YY1AP1: variants seen among roughly 807,000 people sequenced by gnomAD.
YY1AP1 encodes YY1-associated protein 1.
YY1AP1 carries 43 observed loss-of-function variants against 39.9 expected under a neutral mutation model. The observed-to-expected ratio is 1.08, with a 90% CI of 0.84 to 1.39. YY1AP1 has a LOEUF of 1.39. YY1AP1 is among the 40% of genes most tolerant of loss of function. The probability of loss-of-function intolerance (pLI) is 0.00; values close to 1 mark genes in which losing one functional copy is unlikely to be tolerated. For missense variants in YY1AP1, 813 were observed against 900.7 expected, an observed-to-expected ratio of 0.90 and a Z score of 1.25; for synonymous variants, 292 against 331.3, an observed-to-expected ratio of 0.88 and a Z score of 1.29.
At chr1:155,681,630 T>C (rs868183976) in intron 2 of YY1AP1, among the ~76,000 whole-genome samples, 40 of 151,666 alleles carry the variant, frequency 2.6e-4, no homozygotes, top group African/African-American at 9.2e-4. Context: ...TCCAACAGTG[T>C]TTCATAGGAC....
intron 5 of YY1AP1, among the ~76,000 whole-genome samples, chr1:155,676,240 A>G (rs1650654669): frequency 6.6e-6 from 1 of 151,734 alleles, no homozygotes; most frequent in Non-Finnish European, 1.5e-5. Flanking sequence ...AAGAAAAAAG[A>G]AAAGGGAAAA....
rs188043733 is a variant in YY1AP1, at chr1:155,688,191, G to A, written c.-141C>T. ...TCCCGCTTGTCAGGAGGCGGCCAGCGGGTAAGCCGACTGGCGGAAATGCGA... is the reference window on the plus strand; with the variant it reads ...TCCCGCTTGTCAGGAGGCGGCCAGCAGGTAAGCCGACTGGCGGAAATGCGA... On this transcript the variant is annotated 5_prime_UTR_variant, in exon 2 of 11. Transcript: ENST00000355499. 209 of 1,613,984 alleles carry A rather than the reference G, an allele frequency of 1.3e-4. 1 individual carries two copies. Among genetic ancestry groups the A allele is most frequent in the Admixed American group, 4.3e-4 (26 of 60,028 alleles).
At chr1:155,665,387 C>CA (rs753371794) in intron 9 of YY1AP1, among the ~76,000 whole-genome samples, 46 of 151,636 alleles carry the variant, frequency 3.0e-4, no homozygotes, top group Middle Eastern at 3.4e-3. Context: ...ATCAAGAGGT[C>CA]AGGAGATCAA....
chr1:155,666,177 A>G (rs1350587633), intron 9 of YY1AP1, among the ~76,000 whole-genome samples: 1 of 151,580 alleles, frequency 6.6e-6, no homozygotes, highest in Non-Finnish European at 1.5e-5. Flanking sequence ...ACTGGAGTGC[A>G]GTGGCGCGAT....
intron 2 of YY1AP1, among the ~76,000 whole-genome samples, chr1:155,684,346 C>T (rs1472022327): frequency 6.6e-6 from 1 of 152,154 alleles, no homozygotes; most frequent in Non-Finnish European, 1.5e-5. Context: ...ATGCACACTA[C>T]ACACACATAT....
At chr1:155,672,535 T>TA (rs754489885) in intron 7 of YY1AP1, 25 bp downstream of exon 7, 1 of 1,606,104 alleles carries the variant, frequency 6.2e-7, no homozygotes, top group Admixed American at 1.7e-5. Flanking sequence ...AGTAAAAACT[T>TA]AAAGCTGACA....
At chr1:155,661,495 G>T (rs959036611) in intron 9 of YY1AP1, 72 bp from the exon 10 acceptor site, 17 of 1,604,212 alleles carry the variant, frequency 1.1e-5, no homozygotes, top group Non-Finnish European at 1.4e-5. Flanking sequence ...CTGGTGAATG[G>T]GGTGGTGGTG....
intron 2 of YY1AP1, among the ~76,000 whole-genome samples, chr1:155,683,700 C>A (rs1298288656): frequency 6.6e-6 from 1 of 152,040 alleles, no homozygotes; most frequent in East Asian, 1.9e-4. Flanking sequence ...AAGTGAAATA[C>A]TGAAATACTG....
chr1:155,685,000 G>A (rs1264862770), intron 2 of YY1AP1, among the ~76,000 whole-genome samples: 1 of 152,120 alleles, frequency 6.6e-6, no homozygotes, highest in Non-Finnish European at 1.5e-5. Context: ...CTACATGTAT[G>A]TATACCCAAA....
intron 2 of YY1AP1, among the ~76,000 whole-genome samples, chr1:155,681,842 A>ATTTTT (rs57371049): frequency 7.3e-6 from 1 of 137,630 alleles, no homozygotes; most frequent in East Asian, 2.1e-4. Context: ...TACATTGAGG[A>ATTTTT]TTTTTTTTTT....
intron 2 of YY1AP1, among the ~76,000 whole-genome samples, chr1:155,684,106 G>A (rs1156993477): frequency 6.6e-6 from 1 of 152,156 alleles, no homozygotes; most frequent in Non-Finnish European, 1.5e-5. Flanking sequence ...AAATCAGCAG[G>A]GCGTGTTGGC....
intron 9 of YY1AP1, among the ~76,000 whole-genome samples, chr1:155,662,165 GGA>G (rs1491370612): frequency 1.8e-4 from 26 of 144,048 alleles, no homozygotes; most frequent in African/African-American, 6.3e-4. Context: ...CAGAAGGGAA[GGA>G]AAAAAAAAAA....
intron 9 of YY1AP1, among the ~76,000 whole-genome samples, chr1:155,667,220 T>A (rs1376388941): frequency 6.6e-6 from 1 of 151,886 alleles, no homozygotes; most frequent in East Asian, 1.9e-4. Context: ...AACCAAAGGC[T>A]GGGCATCATG....
In YY1AP1 at chr1:155,688,133, C is replaced by T. The variant is rs1300242764; in HGVS notation, c.-83G>A. 23 of 1,612,574 alleles carry T rather than the reference C, an allele frequency of 1.4e-5. No individual in the cohort carries two copies. The highest frequency in any genetic ancestry group is 1.9e-5 in the Non-Finnish European group (22 of 1,178,972). On this transcript the variant is annotated 5_prime_UTR_variant, in exon 2 of 11. Coordinates refer to ENST00000355499, the MANE Select transcript of YY1AP1 (RefSeq NM_139119.3). The stretch of plus-strand genomic sequence containing the variant: ...TGAGGAAGAGGGGGTGGCCGCCAGG[C>T]TCCTCCGCTTCCCTGGGTCCACCGC...
intron 2 of YY1AP1, among the ~76,000 whole-genome samples, chr1:155,686,030 T>C (rs1015032858): frequency 3.0e-5 from 4 of 133,120 alleles, no homozygotes; most frequent in African/African-American, 1.2e-4. Flanking sequence ...ATCAGTCTTT[T>C]TTTTTTTTTT....
At chr1:155,673,229 T>G (rs1421706542) in intron 6 of YY1AP1, among the ~76,000 whole-genome samples, 1 of 152,196 alleles carries the variant, frequency 6.6e-6, no homozygotes, top group East Asian at 1.9e-4. Flanking sequence ...TTGGCCAGGC[T>G]GATCTCGAAC....
rs979997894 is a variant in YY1AP1, at chr1:155,688,459, G to C, written c.-152+200C>G. 9 of 1,549,356 alleles carry C rather than the reference G, an allele frequency of 5.8e-6. No homozygotes were observed. In the East Asian group the frequency reaches 1.7e-4, roughly 29 times the overall value. On this transcript the variant is annotated intron_variant, in intron 1 of 10. Transcript: ENST00000355499. ...ACGGTCCCCCGCTTCGCCCGACTCC[G>C]GCCATGTAGCGCGCACGTCAGCCCG...
Position 155,660,439 on chromosome 1 carries a change from T to G in YY1AP1, c.1471A>C (p.Arg491=). 5 of 1,614,158 alleles carry G rather than the reference T, an allele frequency of 3.1e-6. No individual in the cohort carries two copies. Among genetic ancestry groups the G allele is most frequent in the Non-Finnish European group, 3.4e-6 (4 of 1,180,032 alleles). ...AALPAMPPEA[R]TSFPLSESQT... ...GACTCAGACAGAGGGAAGCTTGTCC[T>G]GGCCTCAGGGGGCATAGCAGGCAGT... The change falls in exon 11 of 11, where the codon AGG becomes CGG. Residue 491 remains arginine, a synonymous_variant. Coordinates refer to ENST00000355499, the MANE Select transcript of YY1AP1 (RefSeq NM_139119.3).
intron 6 of YY1AP1, among the ~76,000 whole-genome samples, chr1:155,672,991 T>A (rs1301207019): frequency 6.6e-6 from 1 of 152,170 alleles, no homozygotes; most frequent in Non-Finnish European, 1.5e-5. Flanking sequence ...ATTAAGAGTC[T>A]CAAGAATGGG....
Sources: gnomAD v4.1 joint callset for allele counts (sites outside exome capture counted in the v4.1 genomes callset) on GRCh38, gnomAD v4.1.1 for gene constraint, MANE v1.5 for transcripts, NCBI Gene and HGNC (gene_info 2026-07-23, HGNC 2026-07-21) for gene names.